RDX: variants seen among roughly 807,000 people sequenced by gnomAD.
RDX encodes the protein radixin.
RDX carries 32 observed loss-of-function variants against 83.7 expected under a neutral mutation model. The observed-to-expected ratio is 0.38, with a 90% CI of 0.29 to 0.51. The LOEUF (loss-of-function observed/expected upper bound fraction) is 0.51, where lower values mean the gene tolerates loss of function less well. Among genes scored for constraint, RDX ranks in the 20% least tolerant of loss-of-function variants. The pLI is 0.87. For missense variants in RDX, 600 were observed against 689.9 expected, an observed-to-expected ratio of 0.87 and a Z score of 1.46; for synonymous variants, 229 against 222.7, an observed-to-expected ratio of 1.03 and a Z score of -0.25.
At chr11:110,209,492 T>C (rs1863742602) in intron 14 of RDX, among the ~76,000 whole-genome samples, 1 of 152,112 alleles carries the variant, frequency 6.6e-6, no homozygotes, top group African/African-American at 2.4e-5. Context: ...CCACCACAGC[T>C]CAAGGAGGAC....
chr11:110,279,570 T>C (rs1860667524), intron 2 of RDX, 111 bp downstream of exon 2: 5 of 747,762 alleles, frequency 6.7e-6, no homozygotes, highest in Admixed American at 2.0e-5. Flanking sequence ...AACAGTAGTA[T>C]CAGTGCCTTT....
intron 15 of RDX, among the ~76,000 whole-genome samples, chr11:110,177,654 T>C (rs540366504): frequency 2.0e-5 from 3 of 152,102 alleles, no homozygotes; most frequent in East Asian, 3.9e-4. Context: ...TGTGTATGTG[T>C]GTGTGTTTTT....
intron 10 of RDX, among the ~76,000 whole-genome samples, chr11:110,240,370 C>A (rs1177405579): frequency 6.6e-6 from 1 of 152,052 alleles, no homozygotes; most frequent in Non-Finnish European, 1.5e-5. Context: ...TATCAAAGGC[C>A]AGGAAGTGGG....
In RDX at chr11:110,230,847, C is replaced by T. The variant is rs1193866351; in HGVS notation, c.*1022G>A. 1 of 152,608 alleles carries T rather than the reference C, an allele frequency of 6.6e-6. No homozygotes were observed. Among genetic ancestry groups the T allele is most frequent in the East Asian group, 1.9e-4 (1 of 5,198 alleles). The allele number at this position is 152,608 out of a possible 1,614,324, so 9.5% of individuals were successfully genotyped here. Reference sequence around the variant, plus strand: ...AATTATAAAACATATACCTTACACACTCCATTGTGTTTGAACAACCAGTCA... The same window carrying T: ...AATTATAAAACATATACCTTACACATTCCATTGTGTTTGAACAACCAGTCA... On this transcript the variant is annotated 3_prime_UTR_variant, in exon 14 of 14. Coordinates refer to ENST00000645495, the MANE Select transcript of RDX (RefSeq NM_002906.4).
chr11:110,217,722 T>C (rs1295680274), intron 14 of RDX, among the ~76,000 whole-genome samples: 1 of 152,194 alleles, frequency 6.6e-6, no homozygotes, highest in African/African-American at 2.4e-5. Flanking sequence ...TCCACTGAGA[T>C]ACGCCCTCGG....
At position 110,237,567 on chromosome 11, in the gene RDX, C is replaced by T. The variant is rs727505297; in HGVS notation, c.1176G>A (p.Glu392=). The change falls in exon 11 of 14, where the codon GAG becomes GAA. Residue 392 remains glutamate (E), a synonymous_variant. Coordinates refer to ENST00000645495, the MANE Select transcript of RDX (RefSeq NM_002906.4). ...AKEEAERLEK[E]RRAAEEAKSA... ...ACTTTGCCTCTTCAGCAGCTCGACGCTCCTTTTCAAGTCGTTCTGCTTCTT... is the reference window on the plus strand; with the variant it reads ...ACTTTGCCTCTTCAGCAGCTCGACGTTCCTTTTCAAGTCGTTCTGCTTCTT... 2 of 1,613,974 alleles carry T rather than the reference C, an allele frequency of 1.2e-6. No individual in the cohort carries two copies. Among genetic ancestry groups the T allele is most frequent in the South Asian group, 2.2e-5 (2 of 91,080 alleles).
At chr11:110,266,307 T>C (rs1279706727) in intron 3 of RDX, among the ~76,000 whole-genome samples, 1 of 151,362 alleles carries the variant, frequency 6.6e-6, no homozygotes, top group Non-Finnish European at 1.5e-5. Context: ...CACTCCAGCC[T>C]GGGCGACAGA....
At chr11:110,280,827 C>G (rs1234629647) in intron 1 of RDX, among the ~76,000 whole-genome samples, 1 of 151,964 alleles carries the variant, frequency 6.6e-6, no homozygotes, top group African/African-American at 2.4e-5. Context: ...GACCCTGTCT[C>G]AAAAACAAAC....
chr11:110,176,088 CTTTT>C (rs11452453), intron 15 of RDX, among the ~76,000 whole-genome samples: 1 of 143,266 alleles, frequency 7.0e-6, no homozygotes. Flanking sequence ...TTCTTTTTTT[CTTTT>C]TTTTTTTTTC....
intron 15 of RDX, among the ~76,000 whole-genome samples, chr11:110,177,780 G>A (rs567321628): frequency 1.3e-5 from 2 of 152,260 alleles, no homozygotes; most frequent in South Asian, 2.1e-4. Flanking sequence ...CACCGCATCC[G>A]GCCTGGGAGC....
At chr11:110,175,135 G>C (rs1037013482) in exon 16 of RDX, 1 of 152,222 alleles carries the variant, frequency 6.6e-6, no homozygotes, top group Admixed American at 6.5e-5. Context: ...AAAAACCCAG[G>C]GCCCGCTGCG....
rs1297655038 is a variant in RDX, at chr11:110,215,374, A to T, written c.1749-15696T>A. Among the ~76,000 whole-genome samples, 214 of 51,444 alleles carry T rather than the reference A, an allele frequency of 4.2e-3. 2 individuals are homozygous for T. Among genetic ancestry groups the T allele is most frequent in the Non-Finnish European group, 7.9e-3 (185 of 23,384 alleles). 33.7% of individuals were successfully genotyped at this position (51,444 alleles called of 152,430 possible). A position where few individuals can be genotyped will look rare whatever the true frequency, so the allele number is the denominator to read the frequency against. ...CGAGACTCCATCTCAAAAAATAAAT[A>T]AATAAATAAATAAATAAATAAATAA... On this transcript the variant is annotated intron_variant, in intron 14 of 15. Coordinates refer to the RDX transcript ENST00000528498.
At chr11:110,271,391 C>G (rs144740264) in intron 3 of RDX, among the ~76,000 whole-genome samples, 293 of 152,212 alleles carry the variant, frequency 1.9e-3, no homozygotes, top group African/African-American at 6.5e-3. Context: ...AAAAAGTGTA[C>G]GTGAAGTTTA....
intron 1 of RDX, among the ~76,000 whole-genome samples, chr11:110,287,891 C>T (rs1477530320): frequency 6.6e-6 from 1 of 152,192 alleles, no homozygotes; most frequent in Non-Finnish European, 1.5e-5. Context: ...TAGTCTTGGG[C>T]TCTTTTGATT....
downstream of RDX, among the ~76,000 whole-genome samples, chr11:110,228,289 G>T (rs1235146404): frequency 2.6e-5 from 4 of 152,022 alleles, 1 homozygote; most frequent in Non-Finnish European, 5.9e-5. Flanking sequence ...AAACACATTT[G>T]CAGAATCCAA....
chr11:110,187,664 C>T (rs1863013779), intron 15 of RDX, among the ~76,000 whole-genome samples: 1 of 152,234 alleles, frequency 6.6e-6, no homozygotes, highest in African/African-American at 2.4e-5. Flanking sequence ...GGACCTCTTC[C>T]TCTGCACTGG....
At chr11:110,246,535 G>T (rs1195577550) in intron 10 of RDX, among the ~76,000 whole-genome samples, 1 of 152,204 alleles carries the variant, frequency 6.6e-6, no homozygotes, top group African/African-American at 2.4e-5. Context: ...AGCACTTCAG[G>T]AGGCCGACGC....
In RDX at chr11:110,288,841, A is replaced by C. The variant is rs73557619; in HGVS notation, c.-65+7626T>G. ...ACTAGTTTTAATTTTTCTGTTGATT[A>C]GTGTCAAGGGCAATAGTTTCCTCTC... On this transcript the variant is annotated intron_variant, in intron 1 of 13. Coordinates refer to ENST00000645495, the MANE Select transcript of RDX (RefSeq NM_002906.4). Among the ~76,000 whole-genome samples, 298 of 152,334 alleles carry C rather than the reference A, an allele frequency of 2.0e-3. 1 individual carries two copies. Among genetic ancestry groups the C allele is most frequent in the African/African-American group, 6.9e-3 (287 of 41,584 alleles).
At chr11:110,268,292 G>A (rs1032581712) in intron 3 of RDX, among the ~76,000 whole-genome samples, 1 of 144,844 alleles carries the variant, frequency 6.9e-6, no homozygotes, top group Admixed American at 7.0e-5. Context: ...CTGGGTGACA[G>A]AGTAAGACTC....
Sources: gnomAD v4.1 joint callset for allele counts (sites outside exome capture counted in the v4.1 genomes callset) on GRCh38, gnomAD v4.1.1 for gene constraint, MANE v1.5 for transcripts, NCBI Gene and HGNC (gene_info 2026-07-23, HGNC 2026-07-21) for gene names.